The following ZBTB38 variants were observed in gnomAD, a reference collection of about 807,000 sequenced individuals.
ZBTB38 encodes zinc finger and BTB domain-containing protein 38.
Under a neutral mutation model 76.8 loss-of-function variants are expected in ZBTB38, and 20 were observed. That is an observed-to-expected ratio of 0.26 (90% CI 0.18 to 0.38). The LOEUF is 0.38. ZBTB38 is among the 10% of genes least tolerant of loss of function. ZBTB38 has a pLI of 1.00. For missense variants in ZBTB38, 1,082 were observed against 1,482.3 expected (o/e 0.73, Z 4.43); for synonymous variants, 504 against 544.2 (o/e 0.93, Z 1.03).
At chr3:141,430,183 A>C (rs1416345334) in intron 5 of ZBTB38, among the ~76,000 whole-genome samples, 2 of 152,104 alleles carry the variant, frequency 1.3e-5, no homozygotes, top group Non-Finnish European at 2.9e-5. Flanking sequence ...CTCCTGCCTC[A>C]GCCTCCCGAG....
At chr3:141,430,413 A>G (rs1478072584) in intron 5 of ZBTB38, among the ~76,000 whole-genome samples, 1 of 152,226 alleles carries the variant, frequency 6.6e-6, no homozygotes, top group Non-Finnish European at 1.5e-5. Flanking sequence ...ATGAAGGATA[A>G]GCCGCATGAG....
chr3:141,332,183 G>A (rs1452702557), intron 1 of ZBTB38, among the ~76,000 whole-genome samples: 1 of 152,094 alleles, frequency 6.6e-6, no homozygotes, highest in Non-Finnish European at 1.5e-5. Flanking sequence ...GATGGCCTCT[G>A]AAATGAGTTG....
intron 5 of ZBTB38, among the ~76,000 whole-genome samples, chr3:141,407,982 A>G (rs1190489759): frequency 6.6e-6 from 1 of 152,228 alleles, no homozygotes. Flanking sequence ...ACTGGGTAAC[A>G]AGCTGCCTGC....
chr3:141,422,315 G>A (rs1331247122), intron 5 of ZBTB38, among the ~76,000 whole-genome samples: 3 of 152,128 alleles, frequency 2.0e-5, no homozygotes, highest in Non-Finnish European at 2.9e-5. Context: ...CCCACCTCTC[G>A]GGCCAGGACA....
chr3:141,332,071 C>T (rs1469847946), intron 1 of ZBTB38, among the ~76,000 whole-genome samples: 1 of 152,148 alleles, frequency 6.6e-6, no homozygotes, highest in East Asian at 1.9e-4. Context: ...CCTGCAGATC[C>T]ACGTCAAACA....
chr3:141,418,863 G>A (rs887999661), intron 5 of ZBTB38, among the ~76,000 whole-genome samples: 2 of 152,190 alleles, frequency 1.3e-5, no homozygotes, highest in Admixed American at 6.5e-5. Flanking sequence ...GTGTGATCAA[G>A]TAAACGCAAG....
intron 2 of ZBTB38, among the ~76,000 whole-genome samples, chr3:141,373,970 A>T (rs1944991206): frequency 6.6e-6 from 1 of 152,176 alleles, no homozygotes. Flanking sequence ...CCTCTACTAA[A>T]AATACAAAAA....
chr3:141,382,446 C>T (rs976407885), intron 3 of ZBTB38, among the ~76,000 whole-genome samples: 2 of 152,000 alleles, frequency 1.3e-5, no homozygotes, highest in African/African-American at 2.4e-5. Flanking sequence ...TTGGGCAAAT[C>T]GTTGTATCTC....
intron 5 of ZBTB38, among the ~76,000 whole-genome samples, chr3:141,419,130 G>A (rs1478126234): frequency 1.3e-5 from 2 of 152,216 alleles, no homozygotes; most frequent in African/African-American, 4.8e-5. Flanking sequence ...AATCATGGCA[G>A]AAGGTAAAGG....
In ZBTB38 at chr3:141,445,987, T is replaced by C. The variant is rs2081061232; in HGVS notation, c.*11T>C. 1.9e-6 allele frequency: 3 copies of C among 1,541,486 alleles called. No individual in the cohort carries two copies. Among genetic ancestry groups the C allele is most frequent in the African/African-American group, 2.8e-5 (2 of 72,364 alleles). ...AATGTTGTCCTTTGAGTGGCAAGAA[T>C]TAGAAAAATCTTCAAAAATATAGTT... is the stretch of plus-strand genomic sequence containing the variant. On this transcript the variant is annotated 3_prime_UTR_variant, in exon 6 of 6. Transcript: ENST00000321464. This position sits in a 1 kb window ranked among gnomAD's most constrained non-coding sequence, Gnocchi z 6.5.
At position 141,442,583 on chromosome 3, in the gene ZBTB38, T is replaced by C; in HGVS notation, c.195T>C (p.His65=). The C allele has an allele frequency of 6.2e-7, 1 of 1,614,224 alleles. No individual in the cohort carries two copies. The highest frequency in any genetic ancestry group is 1.1e-5 in the South Asian group (1 of 91,082). The change falls in exon 6 of 6, where the codon CAT becomes CAC. Residue 65 remains histidine (H), a synonymous_variant. Transcript: ENST00000321464. This position sits in a 1 kb window ranked among gnomAD's most constrained non-coding sequence, Gnocchi z 6.4. ...ATTTTAAAAATATCTTTTGGAGCCA[T>C]ACAATCTGTATTTCCAGCCACGTCC... ...SLYFKNIFWS[H]TICISSHVLE...
rs1045380290 is a variant in ZBTB38, at chr3:141,401,589, T to G, written c.-105-2338T>G. ...AAAACGTAAAGAATTGACTTTTTAA[T>G]CCTTTTAAGCTGTGGCCTTGAATTT... On this transcript the variant is annotated intron_variant, in intron 4 of 5. Transcript: ENST00000321464. 2.0e-5 allele frequency among the ~76,000 whole-genome samples: 3 copies of G among 149,494 alleles called. No homozygotes were observed. The Admixed American group carries it at 2.1e-4, about 10-fold the overall frequency.
At chr3:141,331,543 T>G (rs1421409651) in intron 1 of ZBTB38, among the ~76,000 whole-genome samples, 1 of 152,130 alleles carries the variant, frequency 6.6e-6, no homozygotes, top group African/African-American at 2.4e-5. Context: ...TTGTTTTTTG[T>G]TTTTTGTTTT....
intron 5 of ZBTB38, among the ~76,000 whole-genome samples, chr3:141,429,031 T>C (rs1255980129): frequency 6.6e-6 from 1 of 152,204 alleles, no homozygotes; most frequent in Non-Finnish European, 1.5e-5. Context: ...GCCTGTTCTG[T>C]GTCAGGCACT....
intron 1 of ZBTB38, among the ~76,000 whole-genome samples, chr3:141,351,679 C>T (rs1194748417): frequency 6.8e-6 from 1 of 147,128 alleles, no homozygotes; most frequent in Non-Finnish European, 1.5e-5. Context: ...GTAATCATTC[C>T]ACTGCACTCC....
In ZBTB38 at chr3:141,444,652, A is replaced by T. The variant is rs1321484590; in HGVS notation, c.2264A>T (p.Asp755Val). The T allele has an allele frequency of 6.2e-7, 1 of 1,614,172 alleles. No individual in the cohort carries two copies. The highest frequency in any genetic ancestry group is 1.3e-5 in the African/African-American group (1 of 75,046). The change falls in exon 6 of 6, where the codon GAT becomes GTT. Residue 755 changes from aspartate (D) to valine (V), a missense_variant. Around this residue, in one of 8 missense-constraint regions of ZBTB38, gnomAD observed 471 missense variants for 581.0 expected, o/e 0.81. Transcript: ENST00000321464. This position sits in a 1 kb window ranked among gnomAD's most constrained non-coding sequence, Gnocchi z 5.1. ...CCAGCTGTCAGTCAGTCCCTGAAAG[A>T]TGACAGTAAGCCCGAGCCAGATAAA... ...SDPAVSQSLK[D>V]DSKPEPDKVG...
chr3:141,336,066 T>C (rs763968577), intron 1 of ZBTB38, among the ~76,000 whole-genome samples: 2 of 152,160 alleles, frequency 1.3e-5, no homozygotes, highest in South Asian at 2.1e-4. Context: ...GAGCCAGTAG[T>C]GTGAAGCAGA....
chr3:141,325,853 TG>T (rs1209730206), intron 1 of ZBTB38, among the ~76,000 whole-genome samples: 1 of 152,192 alleles, frequency 6.6e-6, no homozygotes, highest in African/African-American at 2.4e-5. Flanking sequence ...TTAGCTGCTG[TG>T]GGTTGTTCCT....
chr3:141,444,237 A>G lies in ZBTB38; in HGVS notation c.1849A>G (p.Asn617Asp), dbSNP rs199673050. 651 of 1,614,202 alleles carry G rather than the reference A, an allele frequency of 4.0e-4. No individual in the cohort carries two copies. Among genetic ancestry groups the G allele is most frequent in the Non-Finnish European group, 5.2e-4 (619 of 1,180,036 alleles). Reference protein sequence around the residue: ...NPHSSELPTLNFQDTVNTLTN... With the variant: ...NPHSSELPTLDFQDTVNTLTN... ...ACACAGCTCTGAATTACCAACGCTG[A>G]ATTTCCAAGATACTGTAAACACCCT... The change falls in exon 6 of 6, where the codon AAT becomes GAT. Residue 617 changes from asparagine to aspartate, a missense_variant. Transcript: ENST00000321464. This position sits in a 1 kb window ranked among gnomAD's most constrained non-coding sequence, Gnocchi z 5.1.
Sources: gnomAD v4.1 joint callset for allele counts (sites outside exome capture counted in the v4.1 genomes callset) on GRCh38, gnomAD v4.1.1 for gene constraint, gnomAD v4.1.1 regional missense constraint, Gnocchi (gnomAD v3.1) non-coding constraint, MANE v1.5 for transcripts, NCBI Gene and HGNC (gene_info 2026-07-23, HGNC 2026-07-21) for gene names.